Variants in CCDC192 observed in about 807,000 individuals in gnomAD.
CCDC192 encodes coiled-coil domain-containing protein 192.
intron 6 of CCDC192, among the ~76,000 whole-genome samples, chr5:127,919,228 C>A (rs1753635802): frequency 1.3e-5 from 2 of 152,008 alleles, no homozygotes; most frequent in Non-Finnish European, 2.9e-5. Context: ...GAGTCAGGTG[C>A]TTTCACCTGG....
chr5:127,763,231 C>T (rs1334039421), intron 3 of CCDC192, among the ~76,000 whole-genome samples: 1 of 152,324 alleles, frequency 6.6e-6, no homozygotes, highest in Non-Finnish European at 1.5e-5. Flanking sequence ...CTCCAAAATT[C>T]AACTTACCTG....
intron 3 of CCDC192, among the ~76,000 whole-genome samples, chr5:127,781,694 A>C (rs1393179536): frequency 6.6e-6 from 1 of 151,866 alleles, no homozygotes; most frequent in African/African-American, 2.4e-5. Flanking sequence ...TTTTGTATCC[A>C]GGAGCTTTGC....
intron 5 of CCDC192, among the ~76,000 whole-genome samples, chr5:127,802,041 AG>A: frequency 6.6e-6 from 1 of 152,286 alleles, no homozygotes; most frequent in Middle Eastern, 3.4e-3. Flanking sequence ...CTCCTAAGTT[AG>A]GTTTCAGTTT....
chr5:127,802,002 A>G (rs865949046), intron 5 of CCDC192, among the ~76,000 whole-genome samples: 4 of 152,326 alleles, frequency 2.6e-5, no homozygotes, highest in Middle Eastern at 3.4e-3. Context: ...TGACTGGCTG[A>G]AACCCAACTA....
chr5:127,884,628 T>C lies in CCDC192; in HGVS notation c.535+8967T>C, dbSNP rs147379510. Among the ~76,000 whole-genome samples the C allele has an allele frequency of 1.1e-3, 167 of 152,242 alleles. 1 individual carries two copies. The highest frequency in any genetic ancestry group is 3.8e-3 in the African/African-American group (158 of 41,558). The stretch of plus-strand genomic sequence containing the variant: ...TTACTGCGGCCAAGGCAATGGGATA[T>C]TATCCTGGACCACACCTGAGTCATG... On this transcript the variant is annotated intron_variant, in intron 6 of 6. Transcript: ENST00000514853.
intron 3 of CCDC192, among the ~76,000 whole-genome samples, chr5:127,792,782 G>GGAA (rs1415950467): frequency 7.0e-6 from 1 of 142,406 alleles, no homozygotes; most frequent in Non-Finnish European, 1.5e-5. Flanking sequence ...GAGGAGAAGA[G>GGAA]GAAGAAGAAG....
intron 2 of CCDC192, 98 bp downstream of exon 2, chr5:127,707,858 T>A (rs1751061653): frequency 5.2e-6 from 2 of 385,592 alleles, no homozygotes; most frequent in South Asian, 2.8e-4. Flanking sequence ...CTTGATATTG[T>A]TTAGTTTTCA....
intron 5 of CCDC192, among the ~76,000 whole-genome samples, chr5:127,817,412 T>C (rs991302753): frequency 6.6e-6 from 1 of 152,208 alleles, no homozygotes; most frequent in African/African-American, 2.4e-5. Flanking sequence ...AATTGATGAA[T>C]GGATAAACAA....
At position 127,901,409 on chromosome 5, in the gene CCDC192, T is replaced by C. The variant is rs189407436; in HGVS notation, c.535+25748T>C. On this transcript the variant is annotated intron_variant, in intron 6 of 6. Coordinates refer to ENST00000514853, the MANE Select transcript of CCDC192 (RefSeq NM_001317938.2). The stretch of plus-strand genomic sequence containing the variant: ...TTTCATTTGTATTTTCATTTGTATA[T>C]ATAAGGGGGAGGAGCACCTTGTAAA... 2.2e-3 allele frequency among the ~76,000 whole-genome samples: 338 copies of C among 152,314 alleles called. 2 individuals are homozygous for C. The highest frequency in any genetic ancestry group is 7.6e-3 in the African/African-American group (317 of 41,574).
intron 2 of CCDC192, among the ~76,000 whole-genome samples, chr5:127,712,749 C>G (rs1354050583): frequency 1.3e-5 from 2 of 152,116 alleles, no homozygotes; most frequent in Non-Finnish European, 2.9e-5. Context: ...TAGACATATG[C>G]TTTCTTTTCT....
chr5:127,752,726 G>C (rs1459549606), intron 2 of CCDC192, among the ~76,000 whole-genome samples: 1 of 152,218 alleles, frequency 6.6e-6, no homozygotes, highest in Admixed American at 6.5e-5. Flanking sequence ...CTGCCGCCTT[G>C]CAGTTTGATC....
chr5:127,896,459 G>A (rs1203501437), intron 6 of CCDC192, among the ~76,000 whole-genome samples: 4 of 148,596 alleles, frequency 2.7e-5, no homozygotes, highest in Non-Finnish European at 4.5e-5. Context: ...TTGAGACGGA[G>A]TTTCGCTTTT....
At chr5:127,703,265 G>A (rs970358647), upstream of CCDC192, 3 of 388,476 alleles carry the variant, frequency 7.7e-6, no homozygotes, top group Admixed American at 4.5e-5. Flanking sequence ...GTTTTGAGAG[G>A]TTACTGCAGC....
rs17790779 is a variant in CCDC192, at chr5:127,818,562, A to T, written c.411+20400A>T. Among the ~76,000 whole-genome samples, 904 of 152,328 alleles carry T rather than the reference A, an allele frequency of 5.9e-3. 2 individuals are homozygous for T. Among genetic ancestry groups the T allele is most frequent in the Non-Finnish European group, 9.3e-3 (634 of 68,028 alleles). ...ACCCCATACATAGGTCTTATAGCACATTATGACAAGTGGAATGATCGTGGC... is the reference window on the plus strand; with the variant it reads ...ACCCCATACATAGGTCTTATAGCACTTTATGACAAGTGGAATGATCGTGGC... On this transcript the variant is annotated intron_variant, in intron 5 of 6. Transcript: ENST00000514853.
chr5:127,750,054 C>CA (rs1554071506), intron 2 of CCDC192, among the ~76,000 whole-genome samples: 2 of 151,928 alleles, frequency 1.3e-5, no homozygotes, highest in Non-Finnish European at 2.9e-5. Context: ...TTGATCCTTT[C>CA]AAAAAACCAG....
chr5:127,838,884 G>C (rs527318778), intron 5 of CCDC192, among the ~76,000 whole-genome samples: 1 of 152,184 alleles, frequency 6.6e-6, no homozygotes, highest in Non-Finnish European at 1.5e-5. Flanking sequence ...AAAGACTGTC[G>C]CTGGGGTGAC....
intron 3 of CCDC192, chr5:127,786,558 C>A (rs368968909): frequency 1.5e-6 from 1 of 675,924 alleles, no homozygotes. Context: ...TCCAAGTCAC[C>A]AATGCAAGGG....
At chr5:127,833,540 A>G (rs948286776) in intron 5 of CCDC192, among the ~76,000 whole-genome samples, 3 of 152,118 alleles carry the variant, frequency 2.0e-5, no homozygotes, top group Non-Finnish European at 4.4e-5. Flanking sequence ...CAATTGCTTC[A>G]TATTATTTGA....
chr5:127,869,561 G>T (rs1751760345), intron 5 of CCDC192, among the ~76,000 whole-genome samples: 1 of 152,086 alleles, frequency 6.6e-6, no homozygotes, highest in Non-Finnish European at 1.5e-5. Context: ...CCAAGTGTAA[G>T]GTTATCCCTT....
Sources: gnomAD v4.1 joint callset for allele counts (sites outside exome capture counted in the v4.1 genomes callset) on GRCh38, gnomAD v4.1.1 for gene constraint, MANE v1.5 for transcripts, NCBI Gene and HGNC (gene_info 2026-07-23, HGNC 2026-07-21) for gene names.